Variants in C10orf67 observed in about 807,000 individuals in gnomAD.
The protein encoded by C10orf67 is chromosome 10 open reading frame 67.
A neutral mutation model predicts 35.6 loss-of-function variants in C10orf67; 60 were observed. The observed-to-expected ratio is 1.68, with a 90% CI of 1.37 to 2.09. The LOEUF is 2.09. Among genes scored for constraint, C10orf67 ranks in the 30% most tolerant of loss-of-function variants. The pLI, the probability that C10orf67 is intolerant of heterozygous loss-of-function variation, is 0.00. For synonymous variants in C10orf67, 167 were observed against 115.8 expected (o/e 1.44, Z -2.84); for missense variants, 474 against 330.2 (o/e 1.44, Z -3.38).
At chr10:23,204,990 G>A (rs1054291349) in intron 15 of C10orf67, among the ~76,000 whole-genome samples, 4 of 152,190 alleles carry the variant, frequency 2.6e-5, no homozygotes, top group African/African-American at 9.6e-5. Context: ...TGCGGTCACC[G>A]GTAGGTGTCA....
At chr10:23,283,729 T>C (rs1285737620) in intron 7 of C10orf67, among the ~76,000 whole-genome samples, 2 of 152,096 alleles carry the variant, frequency 1.3e-5, no homozygotes, top group African/African-American at 2.4e-5. Flanking sequence ...TGCATCTCTT[T>C]CCTGGCTAAC....
chr10:23,326,315 A>G (rs1332934557), intron 2 of C10orf67, among the ~76,000 whole-genome samples: 1 of 152,176 alleles, frequency 6.6e-6, no homozygotes, highest in Non-Finnish European at 1.5e-5. Flanking sequence ...ATACAGGGGA[A>G]TAACATTTGG....
intron 10 of C10orf67, among the ~76,000 whole-genome samples, chr10:23,262,780 C>A (rs185671413): frequency 1.6e-4 from 25 of 152,244 alleles, no homozygotes; most frequent in Admixed American, 1.1e-3. Flanking sequence ...AACTACCCAG[C>A]ATAAAATAAG....
chr10:23,257,258 C>G (rs187366632), intron 10 of C10orf67, among the ~76,000 whole-genome samples: 2 of 152,248 alleles, frequency 1.3e-5, no homozygotes, highest in African/African-American at 4.8e-5. Flanking sequence ...AAGTCCACCG[C>G]TGGGGCCTGA....
At chr10:23,227,308 A>G (rs1490988901) in intron 13 of C10orf67, among the ~76,000 whole-genome samples, 1 of 152,242 alleles carries the variant, frequency 6.6e-6, no homozygotes, top group Non-Finnish European at 1.5e-5. Context: ...AATGTAATCC[A>G]GCATATAAAC....
chr10:23,294,252 G>C (rs140881738), intron 5 of C10orf67, among the ~76,000 whole-genome samples: 100 of 152,256 alleles, frequency 6.6e-4, no homozygotes, highest in African/African-American at 2.0e-3. Flanking sequence ...AAGCAGATAT[G>C]CTCGCAATGG....
At chr10:23,331,172 G>T (rs201539138) in intron 2 of C10orf67, among the ~76,000 whole-genome samples, 2 of 143,588 alleles carry the variant, frequency 1.4e-5, no homozygotes, top group Non-Finnish European at 1.6e-5. Context: ...GAAGGGAACC[G>T]GGACGGGGAA....
In C10orf67 at chr10:23,339,060, G is replaced by A. The variant is rs529330083; in HGVS notation, c.206+5509C>T. Among the ~76,000 whole-genome samples, 297 of 152,202 alleles carry A rather than the reference G, an allele frequency of 2.0e-3. 2 individuals carry two copies. Among genetic ancestry groups the A allele is most frequent in the African/African-American group, 4.8e-3 (198 of 41,536 alleles). On this transcript the variant is annotated intron_variant, in intron 1 of 15. Transcript: ENST00000636213. Reference sequence around the variant, plus strand: ...CTCACTCTTATGCCTCATAACTCACGCCCAAAATTATAGTTTCCTGTCTCT... The same window carrying A: ...CTCACTCTTATGCCTCATAACTCACACCCAAAATTATAGTTTCCTGTCTCT...
chr10:23,306,197 AT>A (rs770863658), intron 4 of C10orf67, among the ~76,000 whole-genome samples: 4 of 152,156 alleles, frequency 2.6e-5, no homozygotes, highest in African/African-American at 4.8e-5. Context: ...AATATGTAGA[AT>A]CCAAAAAAGT....
chr10:23,244,853 A>G (rs1052289034), intron 12 of C10orf67, among the ~76,000 whole-genome samples: 1 of 152,214 alleles, frequency 6.6e-6, no homozygotes. Flanking sequence ...AAATAATCCT[A>G]AAATTTTATG....
Position 23,203,957 on chromosome 10 carries a change from G to T in C10orf67, c.*216C>A. ...CGCCCCGCTCACCCAGCACCAGCCA[G>T]GGCTTTCCTTAAAGGCGTGGAAAGG... On this transcript the variant is annotated 3_prime_UTR_variant, in exon 16 of 16. Coordinates refer to ENST00000636213, the MANE Select transcript of C10orf67 (RefSeq NM_001371909.1). The T allele has an allele frequency of 2.8e-6, 1 of 359,828 alleles. No homozygotes were observed. Among genetic ancestry groups the T allele is most frequent in the Non-Finnish European group, 4.9e-6 (1 of 202,396 alleles). 22.3% of individuals were successfully genotyped at this position (359,828 alleles called of 1,614,324 possible).
intron 7 of C10orf67, among the ~76,000 whole-genome samples, chr10:23,288,223 T>C (rs1843605249): frequency 6.6e-6 from 1 of 152,158 alleles, no homozygotes; most frequent in African/African-American, 2.4e-5. Flanking sequence ...CCAACCCAAA[T>C]GCCCATCAGT....
chr10:23,304,844 G>T (rs143690897), intron 4 of C10orf67, among the ~76,000 whole-genome samples: 10 of 152,274 alleles, frequency 6.6e-5, no homozygotes, highest in African/African-American at 2.4e-4. Flanking sequence ...TCTTTACCCA[G>T]CACCAACTCT....
Position 23,223,515 on chromosome 10 carries a change from A to G in C10orf67, c.1570+83T>C, listed in dbSNP as rs188326308. The stretch of plus-strand genomic sequence containing the variant: ...ATTCACCCAGAATACCAAATACCTC[A>G]GGGTAAAAAAGAAAAGCAAAGTTAA... On this transcript the variant is annotated intron_variant, in intron 15 of 15. Coordinates refer to ENST00000636213, the MANE Select transcript of C10orf67 (RefSeq NM_001371909.1). The G allele has an allele frequency of 6.1e-5, 43 of 706,348 alleles. No homozygotes were observed. In the African/African-American group the frequency reaches 6.9e-4, roughly 11 times the overall value. 43.8% of individuals were successfully genotyped at this position (706,348 alleles called of 1,614,324 possible).
At chr10:23,216,848 A>G (rs1298344350) in intron 15 of C10orf67, among the ~76,000 whole-genome samples, 1 of 152,176 alleles carries the variant, frequency 6.6e-6, no homozygotes, top group Non-Finnish European at 1.5e-5. Context: ...GACAAACTCT[A>G]AAATCAAGGC....
At chr10:23,256,431 T>C (rs113551340) in intron 10 of C10orf67, among the ~76,000 whole-genome samples, 202 of 152,230 alleles carry the variant, frequency 1.3e-3, no homozygotes, top group African/African-American at 4.7e-3. Flanking sequence ...TTGAACCCAT[T>C]AGAGAGCTGG....
At chr10:23,256,609 A>T (rs1173718172) in intron 10 of C10orf67, among the ~76,000 whole-genome samples, 1 of 152,214 alleles carries the variant, frequency 6.6e-6, no homozygotes, top group African/African-American at 2.4e-5. Context: ...TCTGAAGATC[A>T]AATGTTGGTG....
intron 4 of C10orf67, among the ~76,000 whole-genome samples, chr10:23,314,802 C>A (rs1443902837): frequency 3.3e-5 from 5 of 152,114 alleles, no homozygotes; most frequent in Non-Finnish European, 7.3e-5. Context: ...ACATAGCCAA[C>A]AGAGAGACTC....
chr10:23,263,649 G>A (rs895030562), intron 10 of C10orf67, among the ~76,000 whole-genome samples: 1 of 152,138 alleles, frequency 6.6e-6, no homozygotes, highest in Admixed American at 6.5e-5. Flanking sequence ...TGCACCATAT[G>A]TTCATCAGTA....
Sources: allele counts gnomAD v4.1 joint callset (sites outside exome capture counted in the v4.1 genomes callset), GRCh38; gene constraint gnomAD v4.1.1; transcripts MANE v1.5; gene names NCBI Gene and HGNC (gene_info 2026-07-23, HGNC 2026-07-21).